The following FAM24B variants were observed in gnomAD, a reference collection of about 807,000 sequenced individuals.
The protein encoded by FAM24B is protein FAM24B.
FAM24B carries 3 observed loss-of-function variants against 2.3 expected under a neutral mutation model. That is an observed-to-expected ratio of 1.29 (90% CI 0.59 to 3.32). The LOEUF (loss-of-function observed/expected upper bound fraction) is 3.32. Ranked by LOEUF, FAM24B falls within the 30% of genes most tolerant of loss-of-function variation. The pLI is 0.03. For missense variants in FAM24B, 98 were observed against 117.2 expected, an observed-to-expected ratio of 0.84 and a Z score of 0.76; for synonymous variants, 36 against 46.3, an observed-to-expected ratio of 0.78 and a Z score of 0.90.
intron 1 of FAM24B, among the ~76,000 whole-genome samples, chr10:122,867,013 G>A (rs1566260451): frequency 6.6e-6 from 1 of 152,124 alleles, no homozygotes; most frequent in East Asian, 1.9e-4. Context: ...AGTTCTCAAA[G>A]GAAATTAAAA....
In FAM24B at chr10:122,853,095, T is replaced by G. The variant is rs118168450; in HGVS notation, c.-35-2545A>C. The stretch of plus-strand genomic sequence containing the variant: ...AAGGTCCCTAGCTAGCCTTCCTTCT[T>G]CTCTCCACCTATTCAAGTCTTATGT... On this transcript the variant is annotated intron_variant, in intron 2 of 3. Transcript: ENST00000368898. Among the ~76,000 whole-genome samples, 50 of 152,262 alleles carry G rather than the reference T, an allele frequency of 3.3e-4. 1 individual carries two copies. The East Asian group carries it at 9.7e-3, about 29-fold the overall frequency.
In FAM24B at chr10:122,856,727, G is replaced by T. The variant is rs117207699; in HGVS notation, c.-177-941C>A. 3.9e-3 allele frequency among the ~76,000 whole-genome samples: 590 copies of T among 152,262 alleles called. 2 individuals carry two copies. Among genetic ancestry groups the T allele is most frequent in the Non-Finnish European group, 6.7e-3 (454 of 68,008 alleles). On this transcript the variant is annotated intron_variant, in intron 1 of 3. Coordinates refer to ENST00000368898, the MANE Select transcript of FAM24B (RefSeq NM_152644.3). ...CAGAGCATCCTCACTGGCCTCAAAGGTTCCTTCTCCAGCCCCCTCTCCCCT... is the reference window on the plus strand; with the variant it reads ...CAGAGCATCCTCACTGGCCTCAAAGTTTCCTTCTCCAGCCCCCTCTCCCCT...
intron 2 of FAM24B, among the ~76,000 whole-genome samples, chr10:122,853,129 T>C (rs1847570988): frequency 6.6e-6 from 1 of 152,208 alleles, no homozygotes; most frequent in Admixed American, 6.5e-5. Flanking sequence ...GTTTGTTTTA[T>C]ATATAATGTC....
intron 1 of FAM24B, among the ~76,000 whole-genome samples, chr10:122,861,931 T>C (rs1168677712): frequency 1.4e-5 from 2 of 147,906 alleles, no homozygotes; most frequent in African/African-American, 5.3e-5. Context: ...TAATCTGACC[T>C]ACACGGACCT....
intron 1 of FAM24B, among the ~76,000 whole-genome samples, chr10:122,877,891 ATC>A (rs1292482897): frequency 6.6e-6 from 1 of 152,198 alleles, no homozygotes; most frequent in Non-Finnish European, 1.5e-5. Flanking sequence ...CCCTATTGCT[ATC>A]TCTATCAATT....
intron 3 of FAM24B, 127 bp downstream of exon 3, chr10:122,850,297 A>C: frequency 2.7e-6 from 2 of 738,030 alleles, no homozygotes; most frequent in Non-Finnish European, 2.5e-6. Context: ...CACCCAGGGT[A>C]TGGCCACAGC....
At chr10:122,879,042 GAAGA>G (rs1339311869) in intron 1 of FAM24B, among the ~76,000 whole-genome samples, 6 of 152,168 alleles carry the variant, frequency 3.9e-5, no homozygotes, top group Non-Finnish European at 7.4e-5. Flanking sequence ...AGTACAAAAG[GAAGA>G]AAGAGGCAAG....
intron 1 of FAM24B, among the ~76,000 whole-genome samples, chr10:122,861,636 G>A (rs145714856): frequency 2.0e-5 from 3 of 152,210 alleles, no homozygotes; most frequent in African/African-American, 7.2e-5. Context: ...ATAATACTCA[G>A]AATACAGATC....
chr10:122,849,258 C>T lies in FAM24B; in HGVS notation c.274G>A (p.Glu92Lys), dbSNP rs755332320. The T allele has an allele frequency of 6.4e-7, 1 of 1,568,016 alleles. No individual in the cohort carries two copies. The highest frequency in any genetic ancestry group is 1.2e-5 in the South Asian group (1 of 84,788). ...CCACCTTTCCTAACTCAGAGGCCCT[C>T]ATTTATGTCGCAACAGCAAGGTGGC... The part of the protein sequence containing the change: ...SLPPCCCDIN[E>K]GL The change falls in exon 4 of 4, where the codon GAG becomes AAG. Residue 92 changes from glutamate to lysine, a missense_variant. Glu to Lys is a moderately conservative substitution (Grantham distance 56). Coordinates refer to ENST00000368898, the MANE Select transcript of FAM24B (RefSeq NM_152644.3).
At position 122,849,437 on chromosome 10, in the gene FAM24B, G is replaced by C. The variant is rs199868253; in HGVS notation, c.95C>G (p.Ala32Gly). The stretch of plus-strand genomic sequence containing the variant: ...AGCCACAGCTTCAGGTTCCTTTGCA[G>C]CTCTTGAGAAAAGACACACACAAAG... Reference protein sequence around the residue: ...LYFKIHNALKAAKEPEAVAVK... With the variant: ...LYFKIHNALKGAKEPEAVAVK... The change falls in exon 4 of 4, where the codon GCT becomes GGT. Residue 32 changes from alanine (A) to glycine (G), a missense_variant and splice_region_variant. Transcript: ENST00000368898. The C allele has an allele frequency of 6.2e-7, 1 of 1,605,186 alleles. No homozygotes were observed. The highest frequency in any genetic ancestry group is 8.5e-7 in the Non-Finnish European group (1 of 1,175,850).
chr10:122,870,620 G>A (rs1001666912), intron 1 of FAM24B, among the ~76,000 whole-genome samples: 1 of 152,170 alleles, frequency 6.6e-6, no homozygotes, highest in African/African-American at 2.4e-5. Flanking sequence ...TGGGATGCAA[G>A]GCTGGTTCAA....
chr10:122,855,844 A>AT (rs1336709139), intron 1 of FAM24B, 58 bp from the exon 2 acceptor site: 1 of 152,250 alleles, frequency 6.6e-6, no homozygotes, highest in Non-Finnish European at 1.5e-5. Flanking sequence ...AGGGGAGATC[A>AT]TTCAGCTTGT....
chr10:122,855,227 TTC>T, intron 2 of FAM24B: 2 of 152,354 alleles, frequency 1.3e-5, no homozygotes, highest in Middle Eastern at 6.8e-3. Context: ...TGAAGACAGT[TTC>T]TGTGTCTTTG....
intron 1 of FAM24B, among the ~76,000 whole-genome samples, chr10:122,868,469 GAC>G (rs1847837591): frequency 6.6e-6 from 1 of 152,100 alleles, no homozygotes; most frequent in Admixed American, 6.6e-5. Flanking sequence ...GCAACTCCAA[GAC>G]ACATAATTGT....
intron 2 of FAM24B, among the ~76,000 whole-genome samples, chr10:122,854,166 T>C (rs564356917): frequency 1.3e-5 from 2 of 152,238 alleles, no homozygotes; most frequent in African/African-American, 4.8e-5. Context: ...CCCTGACCAA[T>C]ATTATTTCAT....
intron 3 of FAM24B, 68 bp from the exon 4 acceptor site, chr10:122,849,507 T>TG (rs988044864): frequency 9.0e-6 from 13 of 1,443,872 alleles, no homozygotes; most frequent in Middle Eastern, 1.8e-4. Flanking sequence ...TTAGAACTGT[T>TG]GGGGGGTATC....
chr10:122,876,378 C>CT (rs1001750676), intron 1 of FAM24B, among the ~76,000 whole-genome samples: 1 of 152,158 alleles, frequency 6.6e-6, no homozygotes, highest in African/African-American at 2.4e-5. Context: ...TGAGAGAAGG[C>CT]TTTTGTTAGG....
rs137871426 is a variant in FAM24B, at chr10:122,866,281, T to A, written c.-177-10495A>T. ...TTTCTAATATTAATAATTTGTGTCT[T>A]TTTTAGTCTGACCAGAGGCCTATCA... On this transcript the variant is annotated intron_variant, in intron 1 of 3. Coordinates refer to ENST00000368898, the MANE Select transcript of FAM24B (RefSeq NM_152644.3). Among the ~76,000 whole-genome samples the A allele has an allele frequency of 2.5e-3, 376 of 152,242 alleles. 2 individuals carry two copies. The highest frequency in any genetic ancestry group is 8.4e-3 in the African/African-American group (350 of 41,558).
intron 1 of FAM24B, among the ~76,000 whole-genome samples, chr10:122,861,548 T>C (rs1020533524): frequency 6.6e-6 from 1 of 152,238 alleles, no homozygotes; most frequent in Non-Finnish European, 1.5e-5. Flanking sequence ...GACATCTTCA[T>C]AGTGGATTTT....
Sources: gnomAD v4.1 joint callset for allele counts (sites outside exome capture counted in the v4.1 genomes callset) on GRCh38, gnomAD v4.1.1 for gene constraint, MANE v1.5 for transcripts, NCBI Gene and HGNC (gene_info 2026-07-23, HGNC 2026-07-21) for gene names.